SMYD3: variants seen among roughly 807,000 people sequenced by gnomAD.
The protein encoded by SMYD3 is histone-lysine N-methyltransferase SMYD3.
SMYD3 carries 36 observed loss-of-function variants against 57.7 expected under a neutral mutation model. The ratio of observed to expected loss-of-function variants is 0.62; its 90% CI spans 0.48 to 0.82. SMYD3 has a LOEUF of 0.82. Ranked by LOEUF, SMYD3 falls within the 40% of genes least tolerant of loss-of-function variation. SMYD3 has a pLI of 0.00. For missense variants in SMYD3, 515 were observed against 538.8 expected, an observed-to-expected ratio of 0.96 and a Z score of 0.44; for synonymous variants, 211 against 195.0, an observed-to-expected ratio of 1.08 and a Z score of -0.68.
intron 10 of SMYD3, among the ~76,000 whole-genome samples, chr1:245,765,545 T>C (rs1572274485): frequency 1.3e-5 from 2 of 152,122 alleles, no homozygotes; most frequent in African/African-American, 4.8e-5. Flanking sequence ...TTCAAGTTTG[T>C]TGAATTGAAC....
intron 5 of SMYD3, among the ~76,000 whole-genome samples, chr1:246,229,373 G>A (rs1270172936): frequency 1.3e-5 from 2 of 152,130 alleles, no homozygotes; most frequent in African/African-American, 2.4e-5. Flanking sequence ...TGTGATAGAA[G>A]GTGTTACATT....
In SMYD3 at chr1:246,507,169, C is replaced by T. The variant is rs1425917384; in HGVS notation, c.49G>A (p.Gly17Arg). ...EKFATAKRGN[G>R]LRAVTPLRPG... is the part of the protein sequence containing the mutation. ...CGCAGCGGGGTCACGGCGCGCAGCCCGTTTCCCCTCTTGGCGGTTGCGAAC... is the reference window on the plus strand; with the variant it reads ...CGCAGCGGGGTCACGGCGCGCAGCCTGTTTCCCCTCTTGGCGGTTGCGAAC... The change falls in exon 1 of 12, where the codon GGG becomes AGG. Residue 17 changes from glycine to arginine, a missense_variant. Gly to Arg is a moderately radical substitution (Grantham distance 125). Coordinates refer to ENST00000490107, the MANE Select transcript of SMYD3 (RefSeq NM_001167740.2). 6.5e-7 allele frequency: 1 copy of T among 1,531,802 alleles called. No homozygotes were observed. The highest frequency in any genetic ancestry group is 1.4e-5 in the African/African-American group (1 of 70,248). 94.9% of individuals were successfully genotyped at this position (1,531,802 alleles called of 1,614,324 possible). A position where few individuals can be genotyped will look rare whatever the true frequency, so the allele number is the denominator to read the frequency against.
At chr1:245,942,404 G>A (rs1013914564) in intron 5 of SMYD3, among the ~76,000 whole-genome samples, 37 of 152,156 alleles carry the variant, frequency 2.4e-4, no homozygotes, top group Non-Finnish European at 2.1e-4. Context: ...TAATGGTAAA[G>A]GGTTCAATTC....
chr1:246,217,342 C>A (rs1446381652), intron 5 of SMYD3, among the ~76,000 whole-genome samples: 1 of 152,044 alleles, frequency 6.6e-6, no homozygotes, highest in Non-Finnish European at 1.5e-5. Context: ...CGTAGGGAGA[C>A]CCTGTCTCTA....
chr1:245,943,617 C>T (rs72768775), intron 5 of SMYD3, among the ~76,000 whole-genome samples: 12,336 of 152,220 alleles, frequency 0.081, 846 homozygotes, highest in East Asian at 0.24. Flanking sequence ...AGGGACTCCT[C>T]GCTAACTTAT....
At chr1:246,050,849 T>C (rs531752320) in intron 5 of SMYD3, among the ~76,000 whole-genome samples, 2 of 152,298 alleles carry the variant, frequency 1.3e-5, no homozygotes, top group East Asian at 3.9e-4. Flanking sequence ...TAATATTAAC[T>C]ATCAAATTAT....
At chr1:246,014,311 A>T (rs2059339129) in intron 5 of SMYD3, among the ~76,000 whole-genome samples, 3 of 152,110 alleles carry the variant, frequency 2.0e-5, no homozygotes, top group Non-Finnish European at 2.9e-5. Context: ...GAAGAACAAG[A>T]CTGTCTCAAA....
chr1:246,288,591 A>G (rs1409444127), intron 5 of SMYD3, among the ~76,000 whole-genome samples: 1 of 152,182 alleles, frequency 6.6e-6, no homozygotes, highest in Non-Finnish European at 1.5e-5. Context: ...GGGGCAGAAG[A>G]GAATCAGGAC....
intron 7 of SMYD3, among the ~76,000 whole-genome samples, chr1:245,921,572 C>CTATATATATAT (rs2055955376): frequency 7.1e-6 from 1 of 139,908 alleles, no homozygotes; most frequent in East Asian, 2.6e-4. Flanking sequence ...TATATATATA[C>CTATATATATAT]ACATACCATG....
intron 5 of SMYD3, among the ~76,000 whole-genome samples, chr1:245,969,191 G>A (rs1270278122): frequency 1.3e-5 from 2 of 152,168 alleles, no homozygotes; most frequent in African/African-American, 4.8e-5. Context: ...TGAGAGCCTG[G>A]GATCAATGAA....
intron 1 of SMYD3, among the ~76,000 whole-genome samples, chr1:246,366,972 A>C (rs1451171356): frequency 6.6e-6 from 1 of 151,828 alleles, no homozygotes; most frequent in Non-Finnish European, 1.5e-5. Flanking sequence ...GTCATTTCAA[A>C]TTGAACAACA....
At chr1:246,311,619 CACGCACACGCACACGCGTGACACGCAT>C (rs2065080710) in intron 5 of SMYD3, among the ~76,000 whole-genome samples, 2 of 140,126 alleles carry the variant, frequency 1.4e-5, no homozygotes, top group Non-Finnish European at 3.1e-5. Context: ...TGAACACTCA[CACGCACACGCACACGCGTGACACGCAT>C]ACACACACGC....
intron 1 of SMYD3, among the ~76,000 whole-genome samples, chr1:246,417,728 G>A (rs892841935): frequency 2.0e-5 from 3 of 152,144 alleles, no homozygotes; most frequent in African/African-American, 7.2e-5. Context: ...GGGAACAATG[G>A]CTGGTTATCT....
chr1:246,026,668 C>T (rs1312537764), intron 5 of SMYD3, among the ~76,000 whole-genome samples: 3 of 152,162 alleles, frequency 2.0e-5, no homozygotes, highest in African/African-American at 7.2e-5. Flanking sequence ...TAACTTAATC[C>T]ATGAATGTGT....
rs2060143611 is a variant in SMYD3, at chr1:246,055,922, G to C, written c.532-125985C>G. 2.0e-5 allele frequency among the ~76,000 whole-genome samples: 3 copies of C among 152,162 alleles called. No homozygotes were observed. In the South Asian group the frequency reaches 6.2e-4, roughly 32 times the overall value. On this transcript the variant is annotated intron_variant, in intron 5 of 11. Coordinates refer to ENST00000490107, the MANE Select transcript of SMYD3 (RefSeq NM_001167740.2). ...TTCTGGATGATGAAAAAGAGTTCTG[G>C]AGCTGGACAGTGGTAACGGGTGCAG... is the stretch of plus-strand genomic sequence containing the variant.
chr1:246,250,393 G>A (rs1257531246), intron 5 of SMYD3, among the ~76,000 whole-genome samples: 2 of 152,142 alleles, frequency 1.3e-5, no homozygotes, highest in Non-Finnish European at 2.9e-5. Context: ...TAAACTAGGT[G>A]TAAAAATACA....
At chr1:246,080,514 G>A (rs2060622835) in intron 5 of SMYD3, among the ~76,000 whole-genome samples, 1 of 152,132 alleles carries the variant, frequency 6.6e-6, no homozygotes, top group South Asian at 2.1e-4. Context: ...CCACGAAACT[G>A]GTTCCTGGTG....
At chr1:246,188,086 G>A (rs1438933415) in intron 5 of SMYD3, among the ~76,000 whole-genome samples, 1 of 152,070 alleles carries the variant, frequency 6.6e-6, no homozygotes, top group Non-Finnish European at 1.5e-5. Flanking sequence ...AAAAACTAAT[G>A]GGTGAAAGGA....
intron 5 of SMYD3, among the ~76,000 whole-genome samples, chr1:246,265,268 G>C (rs1439219265): frequency 6.6e-6 from 1 of 151,980 alleles, no homozygotes; most frequent in Admixed American, 6.6e-5. Flanking sequence ...AAGTAGCTAG[G>C]ATGTGGGAGT....
Sources: gnomAD v4.1 joint callset for allele counts (sites outside exome capture counted in the v4.1 genomes callset) on GRCh38, gnomAD v4.1.1 for gene constraint, MANE v1.5 for transcripts, NCBI Gene and HGNC (gene_info 2026-07-23, HGNC 2026-07-21) for gene names.